The following RALA variants were observed in gnomAD, a reference collection of about 807,000 sequenced individuals.
RALA encodes the protein ras-related protein Ral-A.
In RALA, 5 loss-of-function variants were observed where a neutral mutation model predicts 24.0. That is an observed-to-expected ratio of 0.21 (90% CI 0.11 to 0.44). RALA has a LOEUF of 0.44. RALA is among the 20% of genes least tolerant of loss of function. The probability of loss-of-function intolerance (pLI) is 0.99; values close to 1 mark genes in which losing one functional copy is unlikely to be tolerated. For synonymous variants in RALA, 77 were observed against 83.8 expected, an observed-to-expected ratio of 0.92 and a Z score of 0.44; for missense variants, 95 against 241.2, an observed-to-expected ratio of 0.39 and a Z score of 4.01.
At chr7:39,649,932 A>T (rs992437822) in intron 1 of RALA, among the ~76,000 whole-genome samples, 3 of 152,230 alleles carry the variant, frequency 2.0e-5, no homozygotes, top group African/African-American at 7.2e-5. Flanking sequence ...AAGATTGAAA[A>T]TTGACTGTTG....
At chr7:39,678,876 A>T (rs1792537170) in intron 1 of RALA, among the ~76,000 whole-genome samples, 1 of 152,142 alleles carries the variant, frequency 6.6e-6, no homozygotes, top group African/African-American at 2.4e-5. Flanking sequence ...CATTTACATG[A>T]TACAAAAATC....
chr7:39,706,051 C>T, intron 4 of RALA, 72 bp from the exon 5 acceptor site: 2 of 1,351,758 alleles, frequency 1.5e-6, no homozygotes, highest in Non-Finnish European at 2.0e-6. Context: ...CCAAAGTTTA[C>T]TGCTGTGATT....
chr7:39,645,683 C>T (rs1463359513), intron 1 of RALA, among the ~76,000 whole-genome samples: 1 of 152,112 alleles, frequency 6.6e-6, no homozygotes, highest in Admixed American at 6.5e-5. Flanking sequence ...AGGCACTGTA[C>T]TAGGCAAATA....
At chr7:39,630,471 G>A (rs1032491624) in intron 1 of RALA, among the ~76,000 whole-genome samples, 1 of 151,924 alleles carries the variant, frequency 6.6e-6, no homozygotes, top group Non-Finnish European at 1.5e-5. Flanking sequence ...TTTGCTAGTC[G>A]TCTTTTGGCA....
intron 1 of RALA, among the ~76,000 whole-genome samples, chr7:39,651,309 A>G (rs1583716921): frequency 6.6e-6 from 1 of 152,202 alleles, no homozygotes; most frequent in African/African-American, 2.4e-5. Context: ...ATGTAACTCT[A>G]TTGTATGTTA....
chr7:39,683,467 A>G (rs1360731112), intron 1 of RALA, among the ~76,000 whole-genome samples: 1 of 151,886 alleles, frequency 6.6e-6, no homozygotes. Context: ...ATTTTTTTTC[A>G]TTGCACTTAG....
chr7:39,664,121 A>G (rs1002151239), intron 1 of RALA, among the ~76,000 whole-genome samples: 23 of 152,238 alleles, frequency 1.5e-4, no homozygotes, highest in Non-Finnish European at 3.1e-4. Context: ...AAAAGCCACA[A>G]GGAACTTCTG....
chr7:39,699,137 T>TA (rs1792974652), intron 4 of RALA, among the ~76,000 whole-genome samples: 1 of 124,716 alleles, frequency 8.0e-6, no homozygotes, highest in South Asian at 2.9e-4. Flanking sequence ...TTTTTTTTTT[T>TA]TTTTTTTTTT....
At chr7:39,639,830 A>G (rs1791749515) in intron 1 of RALA, among the ~76,000 whole-genome samples, 3 of 152,074 alleles carry the variant, frequency 2.0e-5, no homozygotes, top group Non-Finnish European at 4.4e-5. Context: ...GGATGCCCTC[A>G]TGCACACACG....
At chr7:39,682,686 A>C (rs564456783) in intron 1 of RALA, among the ~76,000 whole-genome samples, 37 of 152,254 alleles carry the variant, frequency 2.4e-4, no homozygotes, top group African/African-American at 8.2e-4. Flanking sequence ...TCTGTTGCCC[A>C]GGCTGGAGTG....
chr7:39,637,378 C>T (rs1791701765), intron 1 of RALA, among the ~76,000 whole-genome samples: 2 of 152,170 alleles, frequency 1.3e-5, no homozygotes, highest in African/African-American at 4.8e-5. Context: ...TATTCTTCCA[C>T]ATTTATTAAC....
chr7:39,661,828 T>C (rs1792195992), intron 1 of RALA, among the ~76,000 whole-genome samples: 1 of 152,230 alleles, frequency 6.6e-6, no homozygotes, highest in Admixed American at 6.5e-5. Context: ...GTGGGGACTT[T>C]GTTGGGGGGC....
chr7:39,695,076 A>G (rs1027999457), intron 3 of RALA, among the ~76,000 whole-genome samples: 1 of 151,874 alleles, frequency 6.6e-6, no homozygotes. Flanking sequence ...AGAAAAAAAA[A>G]AAAAGTCTGC....
intron 4 of RALA, among the ~76,000 whole-genome samples, chr7:39,701,314 C>A (rs1793022704): frequency 2.0e-5 from 3 of 152,136 alleles, no homozygotes; most frequent in Admixed American, 6.5e-5. Context: ...AGTTTGAGAC[C>A]AGCCCGGGCA....
chr7:39,664,279 C>T (rs1050672394), intron 1 of RALA, among the ~76,000 whole-genome samples: 1 of 152,306 alleles, frequency 6.6e-6, no homozygotes, highest in African/African-American at 2.4e-5. Flanking sequence ...AAGAGATAAA[C>T]ACCAGCTGCC....
At chr7:39,704,469 C>T (rs1268472243) in intron 4 of RALA, among the ~76,000 whole-genome samples, 2 of 151,734 alleles carry the variant, frequency 1.3e-5, no homozygotes, top group Non-Finnish European at 2.9e-5. Flanking sequence ...AGGCATACGC[C>T]ACCACACCTG....
intron 1 of RALA, among the ~76,000 whole-genome samples, chr7:39,662,046 C>T (rs1008850064): frequency 6.6e-6 from 1 of 152,218 alleles, no homozygotes; most frequent in African/African-American, 2.4e-5. Flanking sequence ...TCTGAAACCA[C>T]AACCCGACCT....
At chr7:39,653,376 A>C (rs1333522408) in intron 1 of RALA, among the ~76,000 whole-genome samples, 3 of 152,014 alleles carry the variant, frequency 2.0e-5, no homozygotes, top group Non-Finnish European at 4.4e-5. Context: ...ACCCAGGCTG[A>C]AGTACAGTGG....
intron 1 of RALA, among the ~76,000 whole-genome samples, chr7:39,639,273 A>G (rs1320547417): frequency 2.0e-5 from 3 of 152,256 alleles, no homozygotes; most frequent in Non-Finnish European, 2.9e-5. Flanking sequence ...ACAAACAAGT[A>G]AGACTATTAC....
Sources: allele counts gnomAD v4.1 joint callset (sites outside exome capture counted in the v4.1 genomes callset), GRCh38; gene constraint gnomAD v4.1.1; transcripts MANE v1.5; gene names NCBI Gene and HGNC (gene_info 2026-07-23, HGNC 2026-07-21).